The following RCCD1 variants were observed in gnomAD, a reference collection of about 807,000 sequenced individuals.
RCCD1 encodes the protein RCC1 domain containing 1, also known as RCC1 domain-containing protein 1.
RCCD1 carries 40 observed loss-of-function variants against 37.6 expected under a neutral mutation model. That is an observed-to-expected ratio of 1.06 (90% CI 0.83 to 1.39). RCCD1 has a LOEUF of 1.39. Among genes scored for constraint, RCCD1 ranks in the 40% most tolerant of loss-of-function variants. The pLI, the probability that RCCD1 is intolerant of heterozygous loss-of-function variation, is 0.00. For synonymous variants in RCCD1, 263 were observed against 230.0 expected (o/e 1.14, Z -1.30); for missense variants, 577 against 517.3 (o/e 1.12, Z -1.12).
rs760490428 is a variant in RCCD1, at chr15:90,961,671, C to G, written c.1033C>G (p.Arg345Gly). Residue 345 changes from arginine (R) to glycine (G), a missense_variant, in exon 8 of 8, where the codon CGT (arginine) becomes GGT (glycine). Physicochemically the swap from Arg to Gly is moderately radical, Grantham distance 125 (BLOSUM62 -2). Coordinates refer to ENST00000394258, the MANE Select transcript of RCCD1 (RefSeq NM_001017919.2). The part of the protein sequence containing the change: ...EDTTSLDRPR[R>G]VEYFVDKQLQ... ...CACCACCAGCTTGGATCGGCCTCGC[C>G]GTGTGGAATACTTTGTAGATAAGCA... is the stretch of plus-strand genomic sequence containing the variant. 7 of 1,614,094 alleles carry G rather than the reference C, an allele frequency of 4.3e-6. No individual in the cohort carries two copies. The highest frequency in any genetic ancestry group is 1.1e-5 in the South Asian group (1 of 91,082).
intron 5 of RCCD1, 44 bp from the exon 6 acceptor site, chr15:90,960,284 C>G: frequency 6.5e-7 from 1 of 1,543,668 alleles, no homozygotes; most frequent in Non-Finnish European, 8.8e-7. Flanking sequence ...TAAGATTTAG[C>G]TCAGGGCTCA....
chr15:90,956,393 G>T (rs963671850), intron 1 of RCCD1, among the ~76,000 whole-genome samples: 1 of 152,168 alleles, frequency 6.6e-6, no homozygotes, highest in African/African-American at 2.4e-5. Context: ...TGTCGGGGGC[G>T]CTCGGATCCT....
chr15:90,960,900 G>C, intron 6 of RCCD1, 125 bp from the exon 7 acceptor site: 1 of 911,320 alleles, frequency 1.1e-6, no homozygotes, highest in Non-Finnish European at 1.8e-6. Flanking sequence ...AGAATATGTT[G>C]TTCCATGCCA....
Position 90,954,897 on chromosome 15 carries a change from G to A in RCCD1, c.-175G>A, listed in dbSNP as rs867468. Reference sequence around the variant, plus strand: ...AAGGTAAAAGCTGCTTCCTGTTGGGGCATGAGTCCGGCGCGTGTCGGGTTT... The same window carrying A: ...AAGGTAAAAGCTGCTTCCTGTTGGGACATGAGTCCGGCGCGTGTCGGGTTT... On this transcript the variant is annotated 5_prime_UTR_variant, in exon 1 of 8. Coordinates refer to ENST00000394258, the MANE Select transcript of RCCD1 (RefSeq NM_001017919.2). 0.29 allele frequency: 43,382 copies of A among 152,126 alleles called. 6,470 individuals carry two copies. The highest frequency in any genetic ancestry group is 0.55 in the East Asian group (2,841 of 5,124). 9.4% of individuals were successfully genotyped at this position (152,126 alleles called of 1,614,324 possible).
chr15:90,960,372 G>A lies in RCCD1; in HGVS notation c.823G>A (p.Gly275Arg). ...EDGSQVKRTGGAEDGAPAPFI... is the reference protein window; with the variant it reads ...EDGSQVKRTGRAEDGAPAPFI... ...TGGTTCTCAGGTGAAGAGAACGGGT[G>A]GGGCTGAGGATGGAGCCCCTGCCCC... The change falls in exon 6 of 8, where the codon GGG becomes AGG. Residue 275 changes from glycine (G) to arginine (R), a missense_variant. Physicochemically the swap from Gly to Arg is moderately radical, Grantham distance 125. Transcript: ENST00000394258. The A allele has an allele frequency of 6.2e-7, 1 of 1,613,540 alleles. No individual in the cohort carries two copies.
rs200093029 is a variant in RCCD1, at chr15:90,957,579, G to A, written c.558-25G>A. The A allele has an allele frequency of 1.7e-4, 280 of 1,613,738 alleles. No individual in the cohort carries two copies. The highest frequency in any genetic ancestry group is 2.3e-4 in the Non-Finnish European group (272 of 1,179,970). ...AGCGGGACCCCTTAATGCGACTGTA[G>A]CTGACGACGGTCTCCCTTGCTCAGG... On this transcript the variant is annotated intron_variant, in intron 3 of 7. Transcript: ENST00000394258.
At position 90,963,095 on chromosome 15, in the gene RCCD1, A is replaced by G. The variant is rs1369852390; in HGVS notation, c.*1326A>G. ...ACTGAACATAAAATTTATGTTCAAT[A>G]AAAAACAAAAATTGTTTTTAACCAT... is the stretch of plus-strand genomic sequence containing the variant. On this transcript the variant is annotated 3_prime_UTR_variant, in exon 8 of 8. Coordinates refer to ENST00000394258, the MANE Select transcript of RCCD1 (RefSeq NM_001017919.2). 1.3e-5 allele frequency: 2 copies of G among 152,236 alleles called. No individual in the cohort carries two copies. The highest frequency in any genetic ancestry group is 1.5e-5 in the Non-Finnish European group (1 of 68,050). The allele number at this position is 152,236 out of a possible 1,614,324, so 9.4% of individuals were successfully genotyped here. A position where few individuals can be genotyped will look rare whatever the true frequency, so the allele number is the denominator to read the frequency against.
chr15:90,956,855 A>G lies in RCCD1; in HGVS notation c.121A>G (p.Ile41Val). Residue 41 changes from isoleucine to valine, a missense_variant, in exon 2 of 8, where the codon ATC becomes GTC. Coordinates refer to ENST00000394258, the MANE Select transcript of RCCD1 (RefSeq NM_001017919.2). ...CAGTCCGCTGCGGGCGGGCGTCGAC[A>G]TCTGCCGCGTGAGCGCGAGCTGGAG... ...SPSPLRAGVDICRVSASWSYT... is the reference protein window; with the variant it reads ...SPSPLRAGVDVCRVSASWSYT... The G allele has an allele frequency of 7.7e-7, 1 of 1,293,482 alleles. No homozygotes were observed. Among genetic ancestry groups the G allele is most frequent in the East Asian group, 2.9e-5 (1 of 34,164 alleles). 80.1% of individuals were successfully genotyped at this position (1,293,482 alleles called of 1,614,324 possible).
chr15:90,958,947 A>C (rs953065196), intron 4 of RCCD1, among the ~76,000 whole-genome samples: 12 of 102,128 alleles, frequency 1.2e-4, no homozygotes, highest in African/African-American at 7.1e-4. Context: ...AAAAAAAAAA[A>C]AAAAACAAAA....
rs2037322009 is a variant in RCCD1 at position 90,961,827 on chromosome 15, AC to A, written c.*60del. ...GAGACCCCCATTCAGGTCAAGGAAA[AC>A]CATTGCCTGCACCCCAAGGGCCCCA... On this transcript the variant is annotated 3_prime_UTR_variant, in exon 8 of 8. Transcript: ENST00000394258. The A allele has an allele frequency of 1.2e-5, 18 of 1,543,272 alleles. No homozygotes were observed. The Middle Eastern group carries it at 1.0e-3, about 86-fold the overall frequency.
chr15:90,960,729 G>T, intron 6 of RCCD1: 1 of 610,524 alleles, frequency 1.6e-6, no homozygotes, highest in Non-Finnish European at 2.9e-6. Flanking sequence ...CTCCCTGCAC[G>T]GCCACAGACA....
Position 90,962,383 on chromosome 15 carries a change from A to T in RCCD1, c.*614A>T, listed in dbSNP as rs1179027483. On this transcript the variant is annotated 3_prime_UTR_variant, in exon 8 of 8. Coordinates refer to ENST00000394258, the MANE Select transcript of RCCD1 (RefSeq NM_001017919.2). ...ATTTTTATTGTTTCTGATTTTGGTC[A>T]TTCCACATAATTCTTTGTGCAGTCT... 1 of 152,212 alleles carries T rather than the reference A, an allele frequency of 6.6e-6. No homozygotes were observed. The highest frequency in any genetic ancestry group is 2.4e-5 in the African/African-American group (1 of 41,454). 9.4% of individuals were successfully genotyped at this position (152,212 alleles called of 1,614,324 possible).
intron 1 of RCCD1, 131 bp from the exon 2 acceptor site, chr15:90,956,481 A>G (rs1366505521): frequency 1.1e-5 from 4 of 376,748 alleles, no homozygotes; most frequent in African/African-American, 2.1e-5. Flanking sequence ...GAGGACAGGG[A>G]AAGTGCCTCT....
At chr15:90,957,087 C>A in intron 2 of RCCD1, 26 bp from the exon 3 acceptor site, 1 of 1,324,526 alleles carries the variant, frequency 7.5e-7, no homozygotes, top group South Asian at 2.1e-5. Context: ...TCCATTCTGG[C>A]CACCCTGCTC....
At chr15:90,959,545 C>G (rs865892557) in intron 4 of RCCD1, among the ~76,000 whole-genome samples, 1 of 152,200 alleles carries the variant, frequency 6.6e-6, no homozygotes. Context: ...TCTCAGCCTC[C>G]CAAAGTGCTG....
At chr15:90,959,151 C>T (rs961958151) in intron 4 of RCCD1, among the ~76,000 whole-genome samples, 1 of 152,118 alleles carries the variant, frequency 6.6e-6, no homozygotes, top group African/African-American at 2.4e-5. Context: ...GGTACTTAAC[C>T]CCCTCTGTGC....
chr15:90,956,793 A>G lies in RCCD1; in HGVS notation c.59A>G (p.Glu20Gly), dbSNP rs2151380645. 7.6e-7 allele frequency: 1 copy of G among 1,320,964 alleles called. No homozygotes were observed. The highest frequency in any genetic ancestry group is 2.5e-5 in the South Asian group (1 of 40,810). 81.8% of individuals were successfully genotyped at this position (1,320,964 alleles called of 1,614,324 possible). A position where few individuals can be genotyped will look rare whatever the true frequency, so the allele number is the denominator to read the frequency against. The change falls in exon 2 of 8, where the codon GAG becomes GGG. Residue 20 changes from glutamate to glycine, a missense_variant. Coordinates refer to ENST00000394258, the MANE Select transcript of RCCD1 (RefSeq NM_001017919.2). ...FGFGFCGFGQ[E>G]LGSGRGRQVH... is the part of the protein sequence containing the mutation. ...TTCGGTTTCTGCGGCTTCGGGCAGG[A>G]GCTGGGCTCCGGACGCGGGCGCCAG... is the stretch of plus-strand genomic sequence containing the variant.
At chr15:90,956,953 C>G (rs943927636) in intron 2 of RCCD1, 53 bp downstream of exon 2, 1 of 1,267,854 alleles carries the variant, frequency 7.9e-7, no homozygotes, top group Non-Finnish European at 9.9e-7. Context: ...CCCCAGTCGC[C>G]TCCCCGCACC....
At chr15:90,955,063 G>A (rs4505290) in intron 1 of RCCD1, 115 bp downstream of exon 1, 84,101 of 151,994 alleles carry the variant, frequency 0.55, 25,416 homozygotes, top group East Asian at 0.99. Flanking sequence ...ACGGGTTCCT[G>A]CAGGGGCGGG....
Sources: gnomAD v4.1 joint callset for allele counts (sites outside exome capture counted in the v4.1 genomes callset) on GRCh38, gnomAD v4.1.1 for gene constraint, MANE v1.5 for transcripts, NCBI Gene and HGNC (gene_info 2026-07-23, HGNC 2026-07-21) for gene names.